The following SPAG16 variants were observed in gnomAD, a reference collection of about 807,000 sequenced individuals.
SPAG16 encodes the protein sperm associated antigen 16.
SPAG16 carries 86 observed loss-of-function variants against 80.4 expected under a neutral mutation model. The ratio of observed to expected loss-of-function variants is 1.07; its 90% CI spans 0.90 to 1.28. The LOEUF (loss-of-function observed/expected upper bound fraction) is 1.28, where lower values mean the gene tolerates loss of function less well. SPAG16 is among the 50% of genes most tolerant of loss of function. SPAG16 has a pLI of 0.00. For synonymous variants in SPAG16, 294 were observed against 265.9 expected (o/e 1.11, Z -1.03); for missense variants, 870 against 765.3 (o/e 1.14, Z -1.61).
chr2:214,311,580 C>CTAAT (rs1559203301), intron 15 of SPAG16: 2 of 151,840 alleles, frequency 1.3e-5, no homozygotes, highest in African/African-American at 4.8e-5. Flanking sequence ...AGGACTCTAA[C>CTAAT]TTCCTCTGGG....
At chr2:213,961,490 A>G (rs987685635) in intron 12 of SPAG16, among the ~76,000 whole-genome samples, 6 of 151,486 alleles carry the variant, frequency 4.0e-5, no homozygotes, top group Non-Finnish European at 8.8e-5. Flanking sequence ...TTAGGATGAA[A>G]ACTTTCATCT....
chr2:214,160,683 C>T (rs987532400), intron 15 of SPAG16, among the ~76,000 whole-genome samples: 7 of 151,398 alleles, frequency 4.6e-5, no homozygotes, highest in African/African-American at 1.7e-4. Flanking sequence ...GAAAATTATT[C>T]TGTGTATGTA....
At chr2:213,286,053 CAT>C (rs2062044879) in intron 1 of SPAG16, 3 of 520,694 alleles carry the variant, frequency 5.8e-6, no homozygotes, top group African/African-American at 2.0e-5. Flanking sequence ...AGGAGTCTAA[CAT>C]AACACAACTT....
chr2:213,405,003 A>G (rs1030802313), intron 9 of SPAG16, among the ~76,000 whole-genome samples: 15 of 152,182 alleles, frequency 9.9e-5, no homozygotes, highest in Non-Finnish European at 1.9e-4. Flanking sequence ...ACATACCCCA[A>G]CAGTAAGCAT....
chr2:213,928,812 G>C (rs555573990), intron 11 of SPAG16, among the ~76,000 whole-genome samples: 1 of 152,040 alleles, frequency 6.6e-6, no homozygotes, highest in Admixed American at 6.5e-5. Context: ...AATTCGGTGA[G>C]AGAAAGTACC....
At chr2:214,296,735 G>A (rs1238936195) in intron 15 of SPAG16, among the ~76,000 whole-genome samples, 1 of 152,110 alleles carries the variant, frequency 6.6e-6, no homozygotes, top group Non-Finnish European at 1.5e-5. Flanking sequence ...TAATAGTTTG[G>A]ATGTATGTCC....
chr2:213,311,503 C>G (rs1175400244), intron 4 of SPAG16, among the ~76,000 whole-genome samples: 2 of 151,550 alleles, frequency 1.3e-5, no homozygotes, highest in African/African-American at 2.4e-5. Flanking sequence ...TTAGATTTAG[C>G]AATCTGAATT....
intron 11 of SPAG16, among the ~76,000 whole-genome samples, chr2:213,899,067 G>T (rs1473795395): frequency 1.3e-5 from 2 of 151,994 alleles, no homozygotes; most frequent in Non-Finnish European, 2.9e-5. Flanking sequence ...AGACTTGAAG[G>T]GATAGGATAC....
chr2:213,651,148 C>T (rs2063002397), intron 10 of SPAG16, among the ~76,000 whole-genome samples: 1 of 152,120 alleles, frequency 6.6e-6, no homozygotes, highest in Non-Finnish European at 1.5e-5. Context: ...TCACTATGAA[C>T]ATTATACACA....
At chr2:214,279,177 A>G (rs1576663665) in intron 15 of SPAG16, among the ~76,000 whole-genome samples, 1 of 150,842 alleles carries the variant, frequency 6.6e-6, no homozygotes, top group African/African-American at 2.4e-5. Flanking sequence ...GCTCACTGCA[A>G]CCTCCGCCTG....
At chr2:213,496,680 T>G (rs1442589423) in intron 10 of SPAG16, among the ~76,000 whole-genome samples, 3 of 151,322 alleles carry the variant, frequency 2.0e-5, no homozygotes, top group Non-Finnish European at 4.4e-5. Flanking sequence ...GTATAAAGCT[T>G]AAGTACTTAA....
intron 10 of SPAG16, among the ~76,000 whole-genome samples, chr2:213,683,309 G>A (rs1186063150): frequency 6.6e-6 from 1 of 152,166 alleles, no homozygotes; most frequent in Non-Finnish European, 1.5e-5. Context: ...CCAGCACTTT[G>A]GGAGGTTAAG....
At chr2:214,048,457 A>G (rs1345466294) in intron 13 of SPAG16, among the ~76,000 whole-genome samples, 1 of 152,210 alleles carries the variant, frequency 6.6e-6, no homozygotes, top group Non-Finnish European at 1.5e-5. Flanking sequence ...TGCCAGGCAC[A>G]CAAAGACAAA....
intron 10 of SPAG16, among the ~76,000 whole-genome samples, chr2:213,820,931 T>A (rs2072897693): frequency 6.6e-6 from 1 of 152,158 alleles, no homozygotes. Flanking sequence ...TGGGCAAGGA[T>A]CTGGGCATAA....
chr2:213,753,135 C>G (rs1189959129), intron 10 of SPAG16, among the ~76,000 whole-genome samples: 1 of 152,168 alleles, frequency 6.6e-6, no homozygotes, highest in Non-Finnish European at 1.5e-5. Flanking sequence ...GCCTCAGCCT[C>G]CCGAGTAGCT....
intron 10 of SPAG16, among the ~76,000 whole-genome samples, chr2:213,721,139 A>C (rs552352144): frequency 8.6e-5 from 13 of 151,398 alleles, no homozygotes; most frequent in Admixed American, 7.2e-4. Context: ...CTCTCTCTGT[A>C]ACCCAGGCTG....
chr2:213,918,083 G>A (rs186581954), intron 11 of SPAG16, among the ~76,000 whole-genome samples: 8 of 152,242 alleles, frequency 5.3e-5, no homozygotes, highest in Admixed American at 2.6e-4. Context: ...ATTGATTTGT[G>A]TATGTTCAAC....
At chr2:213,959,408 A>G (rs892105903) in intron 12 of SPAG16, among the ~76,000 whole-genome samples, 1 of 152,102 alleles carries the variant, frequency 6.6e-6, no homozygotes, top group Non-Finnish European at 1.5e-5. Context: ...CACCTAGTTA[A>G]AACTTCCTTT....
chr2:214,339,288 A>AT (rs928833620), intron 15 of SPAG16, among the ~76,000 whole-genome samples: 3 of 152,040 alleles, frequency 2.0e-5, no homozygotes, highest in Non-Finnish European at 2.9e-5. Context: ...AAGTCCACAC[A>AT]TTTTTTTTCT....
Sources: gnomAD v4.1 joint callset for allele counts (sites outside exome capture counted in the v4.1 genomes callset) on GRCh38, gnomAD v4.1.1 for gene constraint, MANE v1.5 for transcripts, NCBI Gene and HGNC (gene_info 2026-07-23, HGNC 2026-07-21) for gene names.